The following TIA1 variants were observed in gnomAD, a reference collection of about 807,000 sequenced individuals.
TIA1 encodes cytotoxic granule associated RNA binding protein TIA1.
In TIA1, 23 loss-of-function variants were observed where a neutral mutation model predicts 65.9. The ratio of observed to expected loss-of-function variants is 0.35; its 90% confidence interval spans 0.25 to 0.49. The LOEUF is 0.49. Among genes scored for constraint, TIA1 ranks in the 20% least tolerant of loss-of-function variants. The pLI, the probability that TIA1 is intolerant of heterozygous loss-of-function variation, is 0.98. For missense variants in TIA1, 371 were observed against 477.9 expected (o/e 0.78, Z 2.09); for synonymous variants, 147 against 149.4 (o/e 0.98, Z 0.12).
In TIA1 at chr2:70,210,057, C is replaced by T. The variant is rs560786641; in HGVS notation, c.*2662G>A. On this transcript the variant is annotated 3_prime_UTR_variant, in exon 13 of 13. Coordinates refer to ENST00000433529, the MANE Select transcript of TIA1 (RefSeq NM_022173.4). ...AATTAAATCTGCAGAATGCCAATTC[C>T]ATTTGGTGTTAAACAGTAACCCAAT... 1.8e-5 allele frequency: 4 copies of T among 225,810 alleles called. No individual in the cohort carries two copies. In the South Asian group the frequency reaches 7.2e-4, roughly 41 times the overall value. The allele number at this position is 225,810 out of a possible 1,614,324, so 14.0% of individuals were successfully genotyped here.
chr2:70,242,617 T>C (rs1236654547), intron 1 of TIA1, among the ~76,000 whole-genome samples: 1 of 152,104 alleles, frequency 6.6e-6, no homozygotes, highest in East Asian at 1.9e-4. Flanking sequence ...ATTTTTATTC[T>C]TAGTTGGTAT....
chr2:70,216,393 G>GT lies in TIA1; in HGVS notation c.679+10_679+11insA. Reference sequence around the variant, plus strand: ...TTAAAAATTAATGCCACACAGGGAAGGCTCCCATACCTGTTAGCCCAGAAG... The same window carrying GT: ...TTAAAAATTAATGCCACACAGGGAAGTGCTCCCATACCTGTTAGCCCAGAAG... On this transcript the variant is annotated intron_variant, in intron 9 of 12. Transcript: ENST00000433529. The GT allele has an allele frequency of 3.7e-6, 6 of 1,604,866 alleles. No individual in the cohort carries two copies. The South Asian group carries it at 6.8e-5, about 18-fold the overall frequency.
At chr2:70,237,793 G>A (rs541253509) in intron 1 of TIA1, among the ~76,000 whole-genome samples, 21 of 151,782 alleles carry the variant, frequency 1.4e-4, no homozygotes, top group African/African-American at 4.4e-4. Context: ...TTGAACCCAG[G>A]AGGCAGAGGT....
chr2:70,226,641 G>T (rs904244926), intron 6 of TIA1, among the ~76,000 whole-genome samples: 14 of 152,124 alleles, frequency 9.2e-5, no homozygotes, highest in Non-Finnish European at 1.8e-4. Context: ...GAGATTTAGA[G>T]CCCTTGAGAG....
intron 6 of TIA1, chr2:70,225,166 T>C (rs956571089): frequency 2.9e-6 from 3 of 1,024,754 alleles, no homozygotes; most frequent in Non-Finnish European, 3.5e-6. Flanking sequence ...TTTTCAGAAA[T>C]GTTAAATCAT....
At position 70,224,478 on chromosome 2, in the gene TIA1, A is replaced by G. The variant is rs748203643; in HGVS notation, c.474+76T>C. The G allele has an allele frequency of 4.4e-6, 7 of 1,587,956 alleles. No homozygotes were observed. In the Admixed American group the frequency reaches 1.1e-4, roughly 24 times the overall value. On this transcript the variant is annotated intron_variant, in intron 7 of 12. Coordinates refer to ENST00000433529, the MANE Select transcript of TIA1 (RefSeq NM_022173.4). ...AGTAAAATAAACAGCAGACGAAAAA[A>G]AGATTAGTAATTAAAACGGAGTGTT...
rs762378716 is a variant in TIA1 at position 70,229,081 on chromosome 2, A to G, written c.288T>C (p.Val96=). The change falls in exon 5 of 13, where the codon GTT becomes GTC. Residue 96 remains valine, a synonymous_variant. Transcript: ENST00000433529. ...SQKKDTSSST[V]VSTQRSQDHF... Reference sequence around the variant, plus strand: ...TACCTTGTGAACGCTGTGTGCTGACAACGGTACTACCTGATGACAAAGATT... The same window carrying G: ...TACCTTGTGAACGCTGTGTGCTGACGACGGTACTACCTGATGACAAAGATT... The G allele has an allele frequency of 1.2e-6, 2 of 1,613,614 alleles. No individual in the cohort carries two copies. The highest frequency in any genetic ancestry group is 1.7e-6 in the Non-Finnish European group (2 of 1,179,894).
chr2:70,242,773 A>C (rs897835668), intron 1 of TIA1, among the ~76,000 whole-genome samples: 3 of 152,110 alleles, frequency 2.0e-5, no homozygotes, highest in African/African-American at 7.2e-5. Flanking sequence ...CTGTAAGATC[A>C]GCAGCATTTG....
rs561220308 is a variant in TIA1 at position 70,216,184 on chromosome 2, GT to G, written c.764+23del. 43 of 1,496,612 alleles carry G rather than the reference GT, an allele frequency of 2.9e-5. No individual in the cohort carries two copies. In the Admixed American group the frequency reaches 7.4e-4, roughly 26 times the overall value. The allele number at this position is 1,496,612 out of a possible 1,614,324, so 92.7% of individuals were successfully genotyped here. A position where few individuals can be genotyped will look rare whatever the true frequency, so the allele number is the denominator to read the frequency against. ...TTCCAGTTACATTACCAAGAAAAAT[GT>G]TTTTTTAAAAAACCATCCCTACCGA... On this transcript the variant is annotated intron_variant, in intron 10 of 12. Coordinates refer to ENST00000433529, the MANE Select transcript of TIA1 (RefSeq NM_022173.4).
In TIA1 at chr2:70,242,087, C is replaced by T. The variant is rs140844879; in HGVS notation, c.27-5912G>A. 9.9e-3 allele frequency among the ~76,000 whole-genome samples: 1,504 copies of T among 151,836 alleles called. 17 individuals carry two copies. The highest frequency in any genetic ancestry group is 0.034 in the African/African-American group (1,410 of 41,364). ...AATTTCTTAATTTTGATAATTATACCACGGTTATATAAGATGGTAACATTA... is the reference window on the plus strand; with the variant it reads ...AATTTCTTAATTTTGATAATTATACTACGGTTATATAAGATGGTAACATTA... On this transcript the variant is annotated intron_variant, in intron 1 of 12. Coordinates refer to ENST00000433529, the MANE Select transcript of TIA1 (RefSeq NM_022173.4).
chr2:70,245,587 A>G (rs955012817), intron 1 of TIA1, among the ~76,000 whole-genome samples: 1 of 152,148 alleles, frequency 6.6e-6, no homozygotes, highest in Non-Finnish European at 1.5e-5. Flanking sequence ...GAAAATTTCA[A>G]ATTTATATAT....
intron 2 of TIA1, among the ~76,000 whole-genome samples, chr2:70,233,699 G>C (rs1687544250): frequency 6.6e-6 from 1 of 151,462 alleles, no homozygotes; most frequent in Non-Finnish European, 1.5e-5. Context: ...CTGGGAGGCA[G>C]AGTTTGCAGT....
At chr2:70,232,015 G>C (rs1686537287) in intron 2 of TIA1, among the ~76,000 whole-genome samples, 2 of 151,294 alleles carry the variant, frequency 1.3e-5, no homozygotes, top group South Asian at 4.2e-4. Context: ...ATCCTGGCTA[G>C]CACGGTGAAA....
At chr2:70,227,461 T>C (rs1684311710) in intron 6 of TIA1, among the ~76,000 whole-genome samples, 1 of 152,160 alleles carries the variant, frequency 6.6e-6, no homozygotes, top group African/African-American at 2.4e-5. Context: ...TTGATACCTA[T>C]ATAAGAAAGT....
chr2:70,245,785 G>A (rs1008153533), intron 1 of TIA1, among the ~76,000 whole-genome samples: 4 of 152,080 alleles, frequency 2.6e-5, no homozygotes, highest in East Asian at 1.9e-4. Flanking sequence ...TGGAGATGCC[G>A]AACACTCAGA....
In TIA1 at chr2:70,212,360, C is replaced by T; in HGVS notation, c.*359G>A. ...TTATATTACATGTTTTAAATCATAT[C>T]AGGAATGCAAACTAGAACTGCACAC... On this transcript the variant is annotated 3_prime_UTR_variant, in exon 13 of 13. Coordinates refer to ENST00000433529, the MANE Select transcript of TIA1 (RefSeq NM_022173.4). 5.9e-6 allele frequency: 1 copy of T among 169,600 alleles called. No homozygotes were observed. Among genetic ancestry groups the T allele is most frequent in the Admixed American group, 5.8e-5 (1 of 17,198 alleles). 10.5% of individuals were successfully genotyped at this position (169,600 alleles called of 1,614,324 possible). A position where few individuals can be genotyped will look rare whatever the true frequency, so the allele number is the denominator to read the frequency against.
At chr2:70,246,125 T>C (rs1314406177) in intron 1 of TIA1, among the ~76,000 whole-genome samples, 10 of 152,194 alleles carry the variant, frequency 6.6e-5, no homozygotes, top group Non-Finnish European at 1.3e-4. Flanking sequence ...GGTTTCGCCA[T>C]GTTGGCCAGG....
At chr2:70,236,001 A>G in intron 2 of TIA1, 78 bp downstream of exon 2, 1 of 826,950 alleles carries the variant, frequency 1.2e-6, no homozygotes, top group Non-Finnish European at 1.9e-6. Context: ...TGGTAAACTA[A>G]GAATTCCTTC....
intron 6 of TIA1, among the ~76,000 whole-genome samples, chr2:70,226,156 A>G (rs1231369749): frequency 1.3e-5 from 2 of 152,138 alleles, no homozygotes; most frequent in Non-Finnish European, 2.9e-5. Flanking sequence ...TACCAAGAAA[A>G]AAAAAGTATA....
Sources: gnomAD v4.1 joint callset for allele counts (sites outside exome capture counted in the v4.1 genomes callset) on GRCh38, gnomAD v4.1.1 for gene constraint, MANE v1.5 for transcripts, NCBI Gene and HGNC (gene_info 2026-07-23, HGNC 2026-07-21) for gene names.